Variants in SIAH3 observed in about 807,000 individuals in gnomAD.
SIAH3 encodes the protein siah E3 ubiquitin protein ligase family member 3.
SIAH3 carries 9 observed loss-of-function variants against 12.6 expected under a neutral mutation model. That is an observed-to-expected ratio of 0.72 (90% CI 0.43 to 1.25). The LOEUF is 1.25. Among genes scored for constraint, SIAH3 ranks in the 50% most tolerant of loss-of-function variants. The pLI is 0.00. For missense variants in SIAH3, 390 were observed against 365.4 expected (o/e 1.07, Z -0.55); for synonymous variants, 154 against 151.1 (o/e 1.02, Z -0.14).
At chr13:45,822,026 T>C (rs1352209027) in intron 1 of SIAH3, among the ~76,000 whole-genome samples, 1 of 152,168 alleles carries the variant, frequency 6.6e-6, no homozygotes, top group East Asian at 1.9e-4. Context: ...GGCAGGACTA[T>C]ACCCCTTTGC....
intron 1 of SIAH3, among the ~76,000 whole-genome samples, chr13:45,828,543 GA>G (rs1022500892): frequency 2.3e-4 from 35 of 152,176 alleles, no homozygotes. Flanking sequence ...ACTATTTTGC[GA>G]GACTCAAAAA....
chr13:45,817,412 T>C (rs1950638477), intron 1 of SIAH3, among the ~76,000 whole-genome samples: 1 of 152,252 alleles, frequency 6.6e-6, no homozygotes, highest in African/African-American at 2.4e-5. Context: ...TGAAATTGCC[T>C]ACTGATGCAT....
chr13:45,846,462 C>A (rs1164027789), intron 1 of SIAH3, among the ~76,000 whole-genome samples: 1 of 152,176 alleles, frequency 6.6e-6, no homozygotes, highest in African/African-American at 2.4e-5. Context: ...TTCCACAGGA[C>A]ATTTCTTGTC....
intron 1 of SIAH3, among the ~76,000 whole-genome samples, chr13:45,831,900 C>T (rs1228223417): frequency 2.0e-5 from 3 of 152,230 alleles, no homozygotes; most frequent in Non-Finnish European, 2.9e-5. Flanking sequence ...TGCTAAGCTG[C>T]GTATTCTGGA....
chr13:45,803,619 A>C (rs1276167178), intron 1 of SIAH3, among the ~76,000 whole-genome samples: 2 of 152,204 alleles, frequency 1.3e-5, no homozygotes, highest in South Asian at 2.1e-4. Context: ...AAAGCAATAG[A>C]ATTCAGCAGC....
At chr13:45,837,071 C>A (rs556418059) in intron 1 of SIAH3, among the ~76,000 whole-genome samples, 45 of 152,276 alleles carry the variant, frequency 3.0e-4, no homozygotes, top group African/African-American at 9.4e-4. Flanking sequence ...TTTGTGTCCC[C>A]TAGGGACACC....
chr13:45,847,997 G>T (rs941612268), intron 1 of SIAH3, among the ~76,000 whole-genome samples: 1 of 152,154 alleles, frequency 6.6e-6, no homozygotes, highest in African/African-American at 2.4e-5. Flanking sequence ...CCAGGGCAGG[G>T]CGCTGTAGAA....
In SIAH3 at chr13:45,851,630, C is replaced by A. The variant is rs1950782545; in HGVS notation, c.-1G>T. 1.2e-6 allele frequency: 2 copies of A among 1,614,044 alleles called. No individual in the cohort carries two copies. Among genetic ancestry groups the A allele is most frequent in the Admixed American group, 3.3e-5 (2 of 60,004 alleles). ...CAAAGCACTGGGTAAAGAAAAGCAT[C>A]ACAACTTTTGGGGGGTTGTTGGTCC... is the stretch of plus-strand genomic sequence containing the variant. On this transcript the variant is annotated 5_prime_UTR_variant, in exon 1 of 2. Coordinates refer to ENST00000400405, the MANE Select transcript of SIAH3 (RefSeq NM_198849.3).
intron 1 of SIAH3, among the ~76,000 whole-genome samples, chr13:45,828,993 T>C (rs965859817): frequency 3.9e-5 from 6 of 152,306 alleles, no homozygotes; most frequent in African/African-American, 1.4e-4. Context: ...TTTTCAAAGT[T>C]TCAAAGCATT....
At chr13:45,802,410 TA>T (rs938130786) in intron 1 of SIAH3, among the ~76,000 whole-genome samples, 15 of 152,180 alleles carry the variant, frequency 9.9e-5, no homozygotes, top group African/African-American at 3.6e-4. Flanking sequence ...AGAGTGGGGT[TA>T]GGGGGCGAGG....
At chr13:45,822,724 G>A (rs1389878164) in intron 1 of SIAH3, among the ~76,000 whole-genome samples, 1 of 151,690 alleles carries the variant, frequency 6.6e-6, no homozygotes, top group African/African-American at 2.4e-5. Flanking sequence ...TCCTCAGCCT[G>A]GATGACAAAT....
intron 1 of SIAH3, among the ~76,000 whole-genome samples, chr13:45,831,550 A>C (rs1950699293): frequency 6.6e-6 from 1 of 152,222 alleles, no homozygotes; most frequent in South Asian, 2.1e-4. Flanking sequence ...AGACTGGGGA[A>C]GCTATGGTGG....
intron 1 of SIAH3, among the ~76,000 whole-genome samples, chr13:45,817,675 G>A (rs1950639383): frequency 6.6e-6 from 1 of 152,294 alleles, no homozygotes; most frequent in Admixed American, 6.5e-5. Context: ...CTGGAGTGAT[G>A]CAACCACAAG....
At chr13:45,795,613 C>T (rs1950559802) in intron 1 of SIAH3, among the ~76,000 whole-genome samples, 1 of 152,172 alleles carries the variant, frequency 6.6e-6, no homozygotes, top group Non-Finnish European at 1.5e-5. Context: ...ACACTTTGCA[C>T]CCCTTCATCT....
At position 45,784,076 on chromosome 13, in the gene SIAH3, A is replaced by G. The variant is rs1950517152; in HGVS notation, c.136-19T>C. On this transcript the variant is annotated intron_variant, in intron 1 of 1. Transcript: ENST00000400405. ...ACACATACTGTAAGGAAAGAGAAGA[A>G]CGTCAGTGCGGGGATGAGGCCCACT... The G allele has an allele frequency of 6.4e-7, 1 of 1,555,066 alleles. No homozygotes were observed. Among genetic ancestry groups the G allele is most frequent in the Non-Finnish European group, 8.7e-7 (1 of 1,151,108 alleles).
intron 1 of SIAH3, among the ~76,000 whole-genome samples, chr13:45,822,518 CAAATATAT>C (rs1269642164): frequency 2.6e-5 from 1 of 38,128 alleles, no homozygotes; most frequent in Admixed American, 3.4e-4. Flanking sequence ...TTTTCATTAT[CAAATATAT>C]ATATATATAT....
rs114082632 is a variant in SIAH3, at chr13:45,793,796, T to A, written c.136-9739A>T. ...CCCAAAAGATGTGTTCACATCCTAATCCCCAGAACCTGTGAATGTGATCTT... is the reference window on the plus strand; with the variant it reads ...CCCAAAAGATGTGTTCACATCCTAAACCCCAGAACCTGTGAATGTGATCTT... On this transcript the variant is annotated intron_variant, in intron 1 of 1. Coordinates refer to ENST00000400405, the MANE Select transcript of SIAH3 (RefSeq NM_198849.3). Among the ~76,000 whole-genome samples, 856 of 152,336 alleles carry A rather than the reference T, an allele frequency of 5.6e-3. 15 individuals are homozygous for A. Among genetic ancestry groups the A allele is most frequent in the African/African-American group, 0.02 (821 of 41,582 alleles).
chr13:45,800,724 TCTC>T (rs1180782923), intron 1 of SIAH3, among the ~76,000 whole-genome samples: 3 of 152,232 alleles, frequency 2.0e-5, no homozygotes, highest in Non-Finnish European at 2.9e-5. Flanking sequence ...CAAATTTTCA[TCTC>T]AGCCCGTCAT....
At position 45,783,972 on chromosome 13, in the gene SIAH3, T is replaced by C; in HGVS notation, c.221A>G (p.His74Arg). Residue 74 changes from histidine (H) to arginine (R), a missense_variant, in exon 2 of 2, where the codon CAC becomes CGC. Coordinates refer to ENST00000400405, the MANE Select transcript of SIAH3 (RefSeq NM_198849.3). Reference sequence around the variant, plus strand: ...GCGGAGGTGGTGGTGGTGGCGGTGGTGGCAGTGGTGGTGGGAGAGATGGTG... The same window carrying C: ...GCGGAGGTGGTGGTGGTGGCGGTGGCGGCAGTGGTGGTGGGAGAGATGGTG... ...HPHHLSHHHC[H>R]HRHHHHLRHH... 2 of 1,604,536 alleles carry C rather than the reference T, an allele frequency of 1.2e-6. No homozygotes were observed. The highest frequency in any genetic ancestry group is 1.7e-6 in the Non-Finnish European group (2 of 1,176,214).
Sources: allele counts gnomAD v4.1 joint callset (sites outside exome capture counted in the v4.1 genomes callset), GRCh38; gene constraint gnomAD v4.1.1; transcripts MANE v1.5; gene names NCBI Gene and HGNC (gene_info 2026-07-23, HGNC 2026-07-21).